SCYL2: variants seen among roughly 807,000 people sequenced by gnomAD.
SCYL2 encodes the protein SCY1 like pseudokinase 2.
Under a neutral mutation model 100.4 loss-of-function variants are expected in SCYL2, and 36 were observed. That is an observed-to-expected ratio of 0.36 (90% CI 0.27 to 0.47). The LOEUF (loss-of-function observed/expected upper bound fraction) is 0.47, where lower values mean the gene tolerates loss of function less well. SCYL2 is among the 20% of genes least tolerant of loss of function. SCYL2 has a pLI of 1.00. For synonymous variants in SCYL2, 330 were observed against 359.2 expected (o/e 0.92, Z 0.92); for missense variants, 902 against 1,083.9 (o/e 0.83, Z 2.36).
chr12:100,327,518 AT>A lies in SCYL2; in HGVS notation c.1642+778del, dbSNP rs35023853. 2.6e-3 allele frequency among the ~76,000 whole-genome samples: 374 copies of A among 145,488 alleles called. 1 individual carries two copies. Among genetic ancestry groups the A allele is most frequent in the African/African-American group, 4.4e-3 (176 of 40,012 alleles). ...TTATTTAATTTAAGGTTGTTTGCTA[AT>A]TTTTTTTTTTTTTGAGATGGAGTCT... is the stretch of plus-strand genomic sequence containing the variant. On this transcript the variant is annotated intron_variant, in intron 12 of 17. Coordinates refer to ENST00000360820, the MANE Select transcript of SCYL2 (RefSeq NM_017988.6).
At chr12:100,310,965 AATT>A (rs1415359169) in intron 4 of SCYL2, 76 bp from the exon 5 acceptor site, 26 of 1,325,100 alleles carry the variant, frequency 2.0e-5, no homozygotes, top group South Asian at 3.9e-5. Context: ...GAGTAGCAAT[AATT>A]ATTATTTTTG....
chr12:100,330,388 T>C (rs1038236508), intron 13 of SCYL2, among the ~76,000 whole-genome samples: 4 of 152,222 alleles, frequency 2.6e-5, no homozygotes, highest in African/African-American at 9.6e-5. Flanking sequence ...TGTGTTCTTA[T>C]GTGACTGATT....
At position 100,329,196 on chromosome 12, in the gene SCYL2, A is replaced by C; in HGVS notation, c.1643-5A>C. 1.4e-6 allele frequency: 2 copies of C among 1,390,080 alleles called. No homozygotes were observed. The highest frequency in any genetic ancestry group is 2.0e-6 in the Non-Finnish European group (2 of 976,980). 86.1% of individuals were successfully genotyped at this position (1,390,080 alleles called of 1,614,324 possible). On this transcript the variant is annotated splice_polypyrimidine_tract_variant and splice_region_variant and intron_variant, in intron 12 of 17. Coordinates refer to ENST00000360820, the MANE Select transcript of SCYL2 (RefSeq NM_017988.6). ...TATAAAATTTGTCACATTCTTTTCT[A>C]TCAGGTATTTACAAATGTACTTTTA... is the stretch of plus-strand genomic sequence containing the variant.
intron 1 of SCYL2, among the ~76,000 whole-genome samples, chr12:100,280,800 T>C (rs2135822317): frequency 6.6e-6 from 1 of 152,016 alleles, no homozygotes; most frequent in East Asian, 1.9e-4. Context: ...ATCCAACATC[T>C]GAAAAAATAA....
chr12:100,313,845 A>G (rs1566362364), intron 7 of SCYL2, among the ~76,000 whole-genome samples: 1 of 151,972 alleles, frequency 6.6e-6, no homozygotes, highest in Non-Finnish European at 1.5e-5. Context: ...CTCTTAGAGA[A>G]TTCATAGTCC....
intron 17 of SCYL2, among the ~76,000 whole-genome samples, chr12:100,338,280 A>G (rs1442232087): frequency 1.3e-5 from 2 of 152,116 alleles, no homozygotes; most frequent in Admixed American, 1.3e-4. Flanking sequence ...ACAAGATAAT[A>G]TTTTGCTTAA....
At chr12:100,328,377 T>A (rs1168881045) in intron 12 of SCYL2, among the ~76,000 whole-genome samples, 3 of 152,236 alleles carry the variant, frequency 2.0e-5, no homozygotes, top group Non-Finnish European at 2.9e-5. Flanking sequence ...TTGAAAAGTT[T>A]ATTTATCCAA....
intron 2 of SCYL2, among the ~76,000 whole-genome samples, chr12:100,284,176 AT>A (rs1193162489): frequency 1.3e-5 from 2 of 152,200 alleles, no homozygotes; most frequent in Non-Finnish European, 1.5e-5. Context: ...GTAATATATA[AT>A]AGCATCTCTG....
intron 4 of SCYL2, among the ~76,000 whole-genome samples, chr12:100,303,030 C>T (rs1377565070): frequency 2.0e-5 from 3 of 151,896 alleles, no homozygotes; most frequent in Admixed American, 6.6e-5. Flanking sequence ...TCCTTTCTTC[C>T]GCTTGATCGA....
intron 1 of SCYL2, among the ~76,000 whole-genome samples, chr12:100,269,187 C>T (rs549598168): frequency 6.6e-5 from 10 of 152,214 alleles, no homozygotes; most frequent in African/African-American, 2.4e-4. Context: ...CCTGCATAGT[C>T]GGTCCCCTTT....
intron 10 of SCYL2, among the ~76,000 whole-genome samples, chr12:100,322,394 GAAAA>G (rs2096357174): frequency 7.8e-6 from 1 of 128,804 alleles, no homozygotes; most frequent in Non-Finnish European, 1.7e-5. Flanking sequence ...AAAAAAAAAA[GAAAA>G]CTAAAAAAAA....
chr12:100,291,149 T>G (rs557615986), intron 2 of SCYL2, among the ~76,000 whole-genome samples: 18 of 152,344 alleles, frequency 1.2e-4, no homozygotes, highest in Non-Finnish European at 2.1e-4. Flanking sequence ...TGTAGTATAC[T>G]TCACGATTAT....
chr12:100,331,078 G>C (rs774814170), intron 13 of SCYL2, among the ~76,000 whole-genome samples: 1 of 151,344 alleles, frequency 6.6e-6, no homozygotes, highest in African/African-American at 2.4e-5. Flanking sequence ...TGCTTGCCTC[G>C]GCCTCCCAAA....
intron 1 of SCYL2, among the ~76,000 whole-genome samples, chr12:100,271,577 T>C (rs2096287760): frequency 1.3e-5 from 2 of 152,228 alleles, no homozygotes; most frequent in South Asian, 4.1e-4. Context: ...TTTCTTTGTT[T>C]TATATTGTTG....
In SCYL2 at chr12:100,326,701, C is replaced by G. The variant is rs2135927294; in HGVS notation, c.1589C>G (p.Pro530Arg). Residue 530 changes from proline (P) to arginine (R), a missense_variant, in exon 12 of 18, where the codon CCC becomes CGC. Physicochemically the swap from Pro to Arg is moderately radical, Grantham distance 103. Transcript: ENST00000360820. The part of the protein sequence containing the change: ...DKWFVLDDIL[P>R]FLQQIPSKEP... ...TGGTTTGTACTTGATGATATCCTAC[C>G]CTTCTTACAACAAATTCCATCCAAG... The G allele has an allele frequency of 1.2e-6, 2 of 1,611,238 alleles. No homozygotes were observed. The highest frequency in any genetic ancestry group is 1.7e-6 in the Non-Finnish European group (2 of 1,178,932).
intron 4 of SCYL2, among the ~76,000 whole-genome samples, chr12:100,310,659 C>A (rs989825896): frequency 1.3e-5 from 2 of 152,206 alleles, no homozygotes; most frequent in African/African-American, 4.8e-5. Context: ...GAATTTCAAT[C>A]TGAAGTGTAT....
intron 4 of SCYL2, among the ~76,000 whole-genome samples, chr12:100,303,161 G>C (rs2096329830): frequency 6.6e-6 from 1 of 151,980 alleles, no homozygotes. Context: ...TCTTTTTCAA[G>C]GTTCCTAGCT....
intron 16 of SCYL2, 136 bp downstream of exon 16, chr12:100,336,042 A>G (rs1952272907): frequency 1.3e-5 from 9 of 680,450 alleles, no homozygotes; most frequent in African/African-American, 1.8e-5. Flanking sequence ...AAATTCCTTT[A>G]TCAGTTAAAC....
intron 1 of SCYL2, among the ~76,000 whole-genome samples, chr12:100,282,162 T>C (rs1490354213): frequency 2.0e-5 from 3 of 151,594 alleles, no homozygotes; most frequent in African/African-American, 7.3e-5. Context: ...GTAGCTGGGA[T>C]TGTGGGCACG....
Sources: gnomAD v4.1 joint callset for allele counts (sites outside exome capture counted in the v4.1 genomes callset) on GRCh38, gnomAD v4.1.1 for gene constraint, MANE v1.5 for transcripts, NCBI Gene and HGNC (gene_info 2026-07-23, HGNC 2026-07-21) for gene names.